The following HIVEP3 variants were observed in gnomAD, a reference collection of about 807,000 sequenced individuals.
The protein encoded by HIVEP3 is HIVEP zinc finger 3, also known as transcription factor HIVEP3.
In HIVEP3, 49 loss-of-function variants were observed where a neutral mutation model predicts 152.8. That is an observed-to-expected ratio of 0.32 (90% CI 0.26 to 0.41). The LOEUF (loss-of-function observed/expected upper bound fraction) is 0.41, where lower values mean the gene tolerates loss of function less well. Ranked by LOEUF, HIVEP3 falls within the 10% of genes least tolerant of loss-of-function variation. The pLI, the probability that HIVEP3 is intolerant of heterozygous loss-of-function variation, is 1.00. For synonymous variants in HIVEP3, 1,269 were observed against 1,289.0 expected, an observed-to-expected ratio of 0.98 and a Z score of 0.33; for missense variants, 2,790 against 3,103.3, an observed-to-expected ratio of 0.90 and a Z score of 2.40.
At chr1:41,640,531 G>A (rs1190787538) in intron 2 of HIVEP3, among the ~76,000 whole-genome samples, 1 of 152,186 alleles carries the variant, frequency 6.6e-6, no homozygotes, top group Admixed American at 6.5e-5. Flanking sequence ...AGACCCCAGG[G>A]TGCAAAGGTG....
intron 5 of HIVEP3, among the ~76,000 whole-genome samples, chr1:41,555,974 G>A (rs1643960011): frequency 6.6e-6 from 1 of 152,220 alleles, no homozygotes; most frequent in South Asian, 2.1e-4. Context: ...GTCCTTCCAT[G>A]TTAAGGTTGA....
At chr1:41,703,672 T>TAA (rs1379390649) in intron 1 of HIVEP3, among the ~76,000 whole-genome samples, 1 of 152,230 alleles carries the variant, frequency 6.6e-6, no homozygotes, top group Non-Finnish European at 1.5e-5. Flanking sequence ...GCACCTAGCA[T>TAA]AAGACCCAAC....
At chr1:41,620,414 A>G (rs1645030059) in intron 3 of HIVEP3, among the ~76,000 whole-genome samples, 1 of 152,048 alleles carries the variant, frequency 6.6e-6, no homozygotes, top group Non-Finnish European at 1.5e-5. Context: ...GGCTGTTCAA[A>G]TCTCCCTTTT....
intron 2 of HIVEP3, among the ~76,000 whole-genome samples, chr1:41,652,491 C>G (rs544733903): frequency 6.6e-6 from 1 of 151,982 alleles, no homozygotes; most frequent in South Asian, 2.1e-4. Flanking sequence ...CACATGGGGC[C>G]GAGGATCAGG....
chr1:41,654,723 G>A (rs576026093), intron 2 of HIVEP3, among the ~76,000 whole-genome samples: 1 of 152,264 alleles, frequency 6.6e-6, no homozygotes, highest in South Asian at 2.1e-4. Flanking sequence ...TCCTTCATCT[G>A]TGGATTTATT....
intron 1 of HIVEP3, among the ~76,000 whole-genome samples, chr1:41,986,151 C>T (rs1645321294): frequency 6.6e-6 from 1 of 152,146 alleles, no homozygotes; most frequent in Non-Finnish European, 1.5e-5. Context: ...ATGTCCTGCT[C>T]TCTAAGGCCC....
chr1:41,765,251 C>T (rs1183389396), intron 1 of HIVEP3, among the ~76,000 whole-genome samples: 2 of 152,208 alleles, frequency 1.3e-5, no homozygotes, highest in Non-Finnish European at 2.9e-5. Context: ...CAGACTTCCT[C>T]ATCTCCCCAG....
At position 41,512,835 on chromosome 1, in the gene HIVEP3, T is replaced by G. The variant is rs770207643; in HGVS notation, c.6386A>C (p.Glu2129Ala). The change falls in exon 8 of 9, where the codon GAG (glutamate) becomes GCG (alanine). Residue 2129 changes from glutamate (E) to alanine (A), a missense_variant. Around this residue, in one of 9 missense-constraint regions of HIVEP3, gnomAD observed 816 missense variants for 806.5 expected, o/e 1.01. Transcript: ENST00000372583. The stretch of plus-strand genomic sequence containing the variant: ...ACTCACCCACGGGGAGGCGCAGGTC[T>G]CTGGGCTTCTGCTGAGGAGCTTGTG... ...LPHKLLSRSPETCASPWQKAE... is the reference protein window; with the variant it reads ...LPHKLLSRSPATCASPWQKAE... 138 of 1,521,390 alleles carry G rather than the reference T, an allele frequency of 9.1e-5. No homozygotes were observed. The Middle Eastern group carries it at 9.4e-4, about 10-fold the overall frequency. The allele number at this position is 1,521,390 out of a possible 1,614,324, so 94.2% of individuals were successfully genotyped here. A position where few individuals can be genotyped will look rare whatever the true frequency, so the allele number is the denominator to read the frequency against.
chr1:41,782,441 T>C (rs1649097864), intron 1 of HIVEP3, among the ~76,000 whole-genome samples: 1 of 152,104 alleles, frequency 6.6e-6, no homozygotes, highest in African/African-American at 2.4e-5. Context: ...TGCTTAAAAA[T>C]GGCTAAATGG....
intron 1 of HIVEP3, among the ~76,000 whole-genome samples, chr1:41,727,741 G>A (rs988428590): frequency 1.2e-4 from 18 of 152,218 alleles, no homozygotes; most frequent in African/African-American, 3.9e-4. Context: ...CATCCCGCCA[G>A]CCTAGGAAGG....
At chr1:41,632,650 G>A (rs6681441) in intron 2 of HIVEP3, among the ~76,000 whole-genome samples, 78,309 of 151,936 alleles carry the variant, frequency 0.52, 20,507 homozygotes, top group Non-Finnish European at 0.55. Flanking sequence ...CAGGTACTTG[G>A]GAGGGTAAGG....
chr1:41,801,617 C>A (rs925118584), intron 1 of HIVEP3, among the ~76,000 whole-genome samples: 2 of 152,074 alleles, frequency 1.3e-5, no homozygotes, highest in Non-Finnish European at 1.5e-5. Context: ...TGGCAGCATG[C>A]GCCTGTAGTC....
intron 5 of HIVEP3, among the ~76,000 whole-genome samples, chr1:41,571,398 C>A (rs936019686): frequency 6.6e-6 from 1 of 152,214 alleles, no homozygotes; most frequent in Admixed American, 6.5e-5. Context: ...AAGGCAAATG[C>A]ACAGGTGCTG....
intron 1 of HIVEP3, among the ~76,000 whole-genome samples, chr1:41,711,913 C>T (rs1200447219): frequency 1.3e-5 from 2 of 152,216 alleles, no homozygotes; most frequent in African/African-American, 4.8e-5. Flanking sequence ...CGGTGACCAA[C>T]CTTGGAGGTC....
At chr1:41,835,574 TC>T (rs1643097455) in intron 1 of HIVEP3, among the ~76,000 whole-genome samples, 1 of 152,248 alleles carries the variant, frequency 6.6e-6, no homozygotes, top group East Asian at 1.9e-4. Context: ...TAGATTCCTA[TC>T]AAATTAGATT....
At position 41,700,256 on chromosome 1, in the gene HIVEP3, G is replaced by A. The variant is rs114489412; in HGVS notation, c.-721+660C>T. ...TCTGTGCCTCAGTGCCCAGCACAGA[G>A]GATAGAGCACAACAGGCAATAAATG... is the stretch of plus-strand genomic sequence containing the variant. On this transcript the variant is annotated intron_variant, in intron 2 of 8. Transcript: ENST00000372583. Among the ~76,000 whole-genome samples the A allele has an allele frequency of 6.6e-3, 1,006 of 152,298 alleles. 3 individuals are homozygous for A. Among genetic ancestry groups the A allele is most frequent in the Non-Finnish European group, 0.012 (785 of 68,024 alleles).
intron 1 of HIVEP3, among the ~76,000 whole-genome samples, chr1:42,012,888 G>A (rs1645501352): frequency 6.6e-6 from 1 of 152,158 alleles, no homozygotes; most frequent in Non-Finnish European, 1.5e-5. Flanking sequence ...CCCAGTCTAT[G>A]CTACTTTGTT....
intron 2 of HIVEP3, among the ~76,000 whole-genome samples, chr1:41,699,566 G>A (rs988918084): frequency 6.6e-6 from 1 of 152,194 alleles, no homozygotes; most frequent in Admixed American, 6.5e-5. Flanking sequence ...TCAGGGGTAG[G>A]AAAGGAGGAG....
chr1:41,830,668 C>T (rs1642933551), intron 1 of HIVEP3, among the ~76,000 whole-genome samples: 1 of 152,236 alleles, frequency 6.6e-6, no homozygotes. Context: ...AGAGCCATTT[C>T]AGCTCCAGAA....
Sources: gnomAD v4.1 joint callset for allele counts (sites outside exome capture counted in the v4.1 genomes callset) on GRCh38, gnomAD v4.1.1 for gene constraint, gnomAD v4.1.1 regional missense constraint, MANE v1.5 for transcripts, NCBI Gene and HGNC (gene_info 2026-07-23, HGNC 2026-07-21) for gene names.